LIN37: variants seen among roughly 807,000 people sequenced by gnomAD.
LIN37 encodes the protein protein lin-37 homolog.
Under a neutral mutation model 38.0 loss-of-function variants are expected in LIN37, and 21 were observed. The observed-to-expected ratio is 0.55, with a 90% confidence interval of 0.39 to 0.80. The LOEUF is 0.80. Ranked by LOEUF, LIN37 falls within the 30% of genes least tolerant of loss-of-function variation. The pLI, the probability that LIN37 is intolerant of heterozygous loss-of-function variation, is 0.00. For synonymous variants in LIN37, 126 were observed against 122.9 expected, an observed-to-expected ratio of 1.03 and a Z score of -0.17; for missense variants, 273 against 338.5, an observed-to-expected ratio of 0.81 and a Z score of 1.52.
In LIN37 at chr19:35,754,106, C is replaced by T. The variant is rs1283603449; in HGVS notation, c.534C>T (p.Ser178=). The T allele has an allele frequency of 6.2e-7, 1 of 1,613,998 alleles. No homozygotes were observed. The highest frequency in any genetic ancestry group is 8.5e-7 in the Non-Finnish European group (1 of 1,179,876). ...GGCCACCCGGAGATGCCTGCAGATC[C>T]CGCATCCCATCTCCACTGCAGCCTG... ...PPGPPGDACR[S]RIPSPLQPEM... Residue 178 remains serine, a synonymous_variant, in exon 7 of 9, where the codon TCC becomes TCT. Coordinates refer to ENST00000301159, the MANE Select transcript of LIN37 (RefSeq NM_019104.3).
chr19:35,754,510 C>T lies in LIN37; in HGVS notation c.*36C>T, dbSNP rs1243528888. On this transcript the variant is annotated 3_prime_UTR_variant, in exon 9 of 9. Transcript: ENST00000301159. ...TCCCCCCACACCAGTAAACATCCCC[C>T]AGCTCCACACTGGTGTCTGCTCCGG... 1.9e-6 allele frequency: 3 copies of T among 1,580,000 alleles called. No homozygotes were observed. The highest frequency in any genetic ancestry group is 1.7e-6 in the Non-Finnish European group (2 of 1,149,276).
intron 6 of LIN37, 58 bp downstream of exon 6, chr19:35,753,311 G>A: frequency 6.5e-7 from 1 of 1,526,812 alleles, no homozygotes; most frequent in South Asian, 1.2e-5. Flanking sequence ...TGGGTGGATA[G>A]GCTCAAAGGA....
chr19:35,751,798 G>A (rs1379508856), intron 1 of LIN37, among the ~76,000 whole-genome samples: 1 of 152,188 alleles, frequency 6.6e-6, no homozygotes, highest in African/African-American at 2.4e-5. Flanking sequence ...CCAGCACTTT[G>A]GGAAGCCGAG....
intron 1 of LIN37, among the ~76,000 whole-genome samples, chr19:35,750,787 C>T (rs549632270): frequency 6.6e-5 from 10 of 151,868 alleles, no homozygotes; most frequent in Non-Finnish European, 1.3e-4. Flanking sequence ...TGGTGAAACC[C>T]TGTCTGTACT....
At position 35,748,766 on chromosome 19, in the gene LIN37, C is replaced by A. The variant is rs1233970175; in HGVS notation, c.34+8C>A. Reference sequence around the variant, plus strand: ...TGAAAGTGGAGAAATCAGGTGAGGACCCTGACGTCGGGGGCCTGTCGGGAC... The same window carrying A: ...TGAAAGTGGAGAAATCAGGTGAGGAACCTGACGTCGGGGGCCTGTCGGGAC... On this transcript the variant is annotated splice_region_variant and intron_variant, in intron 1 of 8. Transcript: ENST00000301159. The A allele has an allele frequency of 6.2e-7, 1 of 1,613,886 alleles. No homozygotes were observed. Among genetic ancestry groups the A allele is most frequent in the South Asian group, 1.1e-5 (1 of 91,078 alleles).
chr19:35,749,021 G>A (rs1599735007), intron 1 of LIN37: 27 of 1,276,802 alleles, frequency 2.1e-5, no homozygotes, highest in Non-Finnish European at 2.6e-5. Flanking sequence ...GTAACTCTGA[G>A]AAGGGCCCTT....
At chr19:35,754,343 C>G in intron 8 of LIN37, 24 bp downstream of exon 8, 1 of 1,614,006 alleles carries the variant, frequency 6.2e-7, no homozygotes, top group Non-Finnish European at 8.5e-7. Context: ...AGCCTGCTTG[C>G]CCCTCGTAGG....
chr19:35,752,794 T>C lies in LIN37; in HGVS notation c.162-10T>C, dbSNP rs1970696521. 2 of 1,609,018 alleles carry C rather than the reference T, an allele frequency of 1.2e-6. No homozygotes were observed. Among genetic ancestry groups the C allele is most frequent in the Admixed American group, 1.7e-5 (1 of 59,540 alleles). ...GCGTTTGTCTGAGGGTCAACTGTCT[T>C]TCCCCACAGGGACTGCTCCATCGCA... On this transcript the variant is annotated splice_polypyrimidine_tract_variant and intron_variant, in intron 3 of 8. Coordinates refer to ENST00000301159, the MANE Select transcript of LIN37 (RefSeq NM_019104.3).
rs1599736463 is a variant in LIN37 at position 35,751,948 on chromosome 19, T to C, written c.35-228T>C. The C allele has an allele frequency of 1.1e-5, 5 of 440,490 alleles. No individual in the cohort carries two copies. In the East Asian group the frequency reaches 1.8e-4, roughly 16 times the overall value. The allele number at this position is 440,490 out of a possible 1,614,324, so 27.3% of individuals were successfully genotyped here. A position where few individuals can be genotyped will look rare whatever the true frequency, so the allele number is the denominator to read the frequency against. On this transcript the variant is annotated intron_variant, in intron 1 of 8. Transcript: ENST00000301159. The stretch of plus-strand genomic sequence containing the variant: ...AACCCAAAAGGCTCATAAGGTAAGG[T>C]GATTGGCCTTACCTCCTGTCACAGA...
At chr19:35,749,351 A>G (rs1970648463) in intron 1 of LIN37, among the ~76,000 whole-genome samples, 1 of 152,176 alleles carries the variant, frequency 6.6e-6, no homozygotes, top group South Asian at 2.1e-4. Flanking sequence ...CAATGGGTGA[A>G]GCTTAGAAAG....
rs1555739874 is a variant in LIN37 at position 35,754,099 on chromosome 19, G to A, written c.527G>A (p.Cys176Tyr). The change falls in exon 7 of 9, where the codon TGC becomes TAC. Residue 176 changes from cysteine (C) to tyrosine (Y), a missense_variant. By Grantham distance (194) the Cys-to-Tyr change is radical. Transcript: ENST00000301159. ...PTPPGPPGDA[C>Y]RSRIPSPLQP... ...CCCCCGGGGCCACCCGGAGATGCCT[G>A]CAGATCCCGCATCCCATCTCCACTG... is the stretch of plus-strand genomic sequence containing the variant. The A allele has an allele frequency of 6.2e-7, 1 of 1,613,972 alleles. No individual in the cohort carries two copies. Among genetic ancestry groups the A allele is most frequent in the South Asian group, 1.1e-5 (1 of 91,088 alleles).
At chr19:35,752,572 T>G in intron 3 of LIN37, 88 bp downstream of exon 3, 7 of 1,420,166 alleles carry the variant, frequency 4.9e-6, no homozygotes, top group Non-Finnish European at 6.9e-6. Flanking sequence ...AGCCCAGCGC[T>G]ACCTCCATCG....
At chr19:35,748,806 G>C in intron 1 of LIN37, 48 bp downstream of exon 1, 1 of 1,613,392 alleles carries the variant, frequency 6.2e-7, no homozygotes, top group Non-Finnish European at 8.5e-7. Flanking sequence ...GGGTTGACAG[G>C]GTGTGGAGTC....
intron 1 of LIN37, among the ~76,000 whole-genome samples, chr19:35,750,369 TG>T (rs1273004440): frequency 6.6e-6 from 1 of 152,204 alleles, no homozygotes; most frequent in Non-Finnish European, 1.5e-5. Flanking sequence ...ACCCTCACTC[TG>T]TCTCTCCTCT....
At chr19:35,749,727 C>G (rs1379202501) in intron 1 of LIN37, among the ~76,000 whole-genome samples, 2 of 150,426 alleles carry the variant, frequency 1.3e-5, no homozygotes, top group African/African-American at 4.9e-5. Context: ...ATCGCTGGAG[C>G]CGGGGAGGCG....
At position 35,754,246 on chromosome 19, in the gene LIN37, C is replaced by T. The variant is rs778520598; in HGVS notation, c.586C>T (p.Pro196Ser). 1 of 1,614,032 alleles carries T rather than the reference C, an allele frequency of 6.2e-7. No homozygotes were observed. Among genetic ancestry groups the T allele is most frequent in the Non-Finnish European group, 8.5e-7 (1 of 1,179,892 alleles). The change falls in exon 8 of 9, where the codon CCC becomes TCC. Residue 196 changes from proline to serine, a missense_variant and splice_region_variant. Physicochemically the swap from Pro to Ser is moderately conservative, Grantham distance 74. Coordinates refer to ENST00000301159, the MANE Select transcript of LIN37 (RefSeq NM_019104.3). ...PEMQGTPDDE[P>S]SEPEPSPSTL... ...CAACCTGGCCTGTCTGTCCATGCAG[C>T]CCTCTGAGCCCGAGCCCTCACCCTC...
intron 6 of LIN37, 188 bp from the exon 7 acceptor site, chr19:35,753,829 C>G (rs544866289): frequency 3.2e-6 from 2 of 630,476 alleles, no homozygotes; most frequent in South Asian, 1.9e-5. Context: ...GACAGGGGTC[C>G]CTGGGGCAGG....
In LIN37 at chr19:35,753,118, C is replaced by A. The variant is rs373853183; in HGVS notation, c.309C>A (p.Ser103Arg). 12 of 1,605,142 alleles carry A rather than the reference C, an allele frequency of 7.5e-6. No individual in the cohort carries two copies. The highest frequency in any genetic ancestry group is 1.0e-5 in the Non-Finnish European group (12 of 1,176,072). Residue 103 changes from serine to arginine, a missense_variant, in exon 6 of 9, where the codon AGC (serine) becomes AGA (arginine). Transcript: ENST00000301159. ...NTYVIKLFDR[S>R]VDLAQFSENT... ...ATGTGATCAAGCTGTTCGACCGGAG[C>A]GTGGACTTGGCCCAGTTCAGCGAGA...
chr19:35,752,456 G>A lies in LIN37; in HGVS notation c.133G>A (p.Gly45Arg). Residue 45 changes from glycine (G) to arginine (R), a missense_variant, in exon 3 of 9, where the codon GGG becomes AGG. Gly to Arg is a moderately radical substitution (Grantham distance 125). Coordinates refer to ENST00000301159, the MANE Select transcript of LIN37 (RefSeq NM_019104.3). The stretch of plus-strand genomic sequence containing the variant: ...TAGGGAGCGTCTGGATGAGGAAGCT[G>A]GGAAAACACCCTCAGACACCCACAA... Reference protein sequence around the residue: ...MDRERLDEEAGKTPSDTHNKD... With the variant: ...MDRERLDEEARKTPSDTHNKD... 6.2e-7 allele frequency: 1 copy of A among 1,613,984 alleles called. No homozygotes were observed. Among genetic ancestry groups the A allele is most frequent in the Non-Finnish European group, 8.5e-7 (1 of 1,179,880 alleles).
Sources: gnomAD v4.1 joint callset for allele counts (sites outside exome capture counted in the v4.1 genomes callset) on GRCh38, gnomAD v4.1.1 for gene constraint, MANE v1.5 for transcripts, NCBI Gene and HGNC (gene_info 2026-07-23, HGNC 2026-07-21) for gene names.